The following UTP15 variants were observed in gnomAD, a reference collection of about 807,000 sequenced individuals.
The protein encoded by UTP15 is UTP15 small subunit processome component, also known as U3 small nucleolar RNA-associated protein 15 homolog.
Under a neutral mutation model 59.1 loss-of-function variants are expected in UTP15, and 5 were observed. That is an observed-to-expected ratio of 0.08 (90% confidence interval 0.04 to 0.18). The LOEUF (loss-of-function observed/expected upper bound fraction) is 0.18. Among genes scored for constraint, UTP15 ranks in the 10% least tolerant of loss-of-function variants. The pLI is 1.00. For missense variants in UTP15, 494 were observed against 616.7 expected, an observed-to-expected ratio of 0.80 and a Z score of 2.11; for synonymous variants, 211 against 212.2, an observed-to-expected ratio of 0.99 and a Z score of 0.05.
intron 7 of UTP15, among the ~76,000 whole-genome samples, chr5:73,576,656 A>G (rs1362979111): frequency 3.3e-5 from 5 of 151,654 alleles, no homozygotes; most frequent in Non-Finnish European, 4.4e-5. Flanking sequence ...TATTTTTAGT[A>G]GAGATGGAGT....
At chr5:73,578,381 A>G (rs1443620433) in intron 9 of UTP15, 2 of 287,040 alleles carry the variant, frequency 7.0e-6, no homozygotes, top group African/African-American at 2.3e-5. Context: ...ACTGGTATCC[A>G]GAGTTGTTGA....
Position 73,565,932 on chromosome 5 carries a change from A to G in UTP15, c.-84+20A>G. 1 of 455,568 alleles carries G rather than the reference A, an allele frequency of 2.2e-6. No individual in the cohort carries two copies. Among genetic ancestry groups the G allele is most frequent in the Non-Finnish European group, 4.4e-6 (1 of 226,626 alleles). The allele number at this position is 455,568 out of a possible 1,614,324, so 28.2% of individuals were successfully genotyped here. On this transcript the variant is annotated intron_variant, in intron 1 of 12. Transcript: ENST00000296792. ...GTGGAGGTAGGTGAAGGCGGCTCCC[A>G]TTGAGGGAAGCCCACACTCACACCC...
intron 7 of UTP15, among the ~76,000 whole-genome samples, chr5:73,576,232 G>A (rs1748086267): frequency 6.6e-6 from 1 of 151,552 alleles, no homozygotes; most frequent in African/African-American, 2.4e-5. Context: ...AGCCTCCTGA[G>A]TAGCTGGGAT....
At chr5:73,570,905 A>T (rs1033247366) in intron 6 of UTP15, among the ~76,000 whole-genome samples, 194 bp downstream of exon 6, 1 of 152,256 alleles carries the variant, frequency 6.6e-6, no homozygotes, top group South Asian at 2.1e-4. Context: ...CTGTGCTGTT[A>T]CATATGAACT....
rs750391080 is a variant in UTP15, at chr5:73,579,178, C to T, written c.1280+28C>T. 120 of 1,612,098 alleles carry T rather than the reference C, an allele frequency of 7.4e-5. No individual in the cohort carries two copies. In the Admixed American group the frequency reaches 1.5e-3, roughly 20 times the overall value. ...ATGTTTTTTGTCTGTGAAACACTTA[C>T]ATTTTGCATCTGAAATCCTTTATCA... On this transcript the variant is annotated intron_variant, in intron 11 of 12. Transcript: ENST00000296792.
chr5:73,577,576 C>T (rs1222419572), intron 8 of UTP15, among the ~76,000 whole-genome samples: 3 of 152,154 alleles, frequency 2.0e-5, no homozygotes, highest in South Asian at 2.1e-4. Flanking sequence ...AAAAGTCTTG[C>T]TACTGTGTAA....
intron 1 of UTP15, 58 bp from the exon 2 acceptor site, chr5:73,567,204 T>G: frequency 2.2e-6 from 1 of 456,386 alleles, no homozygotes; most frequent in Non-Finnish European, 3.8e-6. Flanking sequence ...GAAAGCAGAG[T>G]GAAAATCAAC....
intron 6 of UTP15, among the ~76,000 whole-genome samples, chr5:73,571,856 T>G (rs1385955987): frequency 6.6e-6 from 1 of 152,178 alleles, no homozygotes; most frequent in Non-Finnish European, 1.5e-5. Flanking sequence ...GGAAAAAATA[T>G]CATGTTGAAC....
chr5:73,569,466 C>A, intron 4 of UTP15, 31 bp from the exon 5 acceptor site: 1 of 1,427,858 alleles, frequency 7.0e-7, no homozygotes, highest in South Asian at 1.6e-5. Flanking sequence ...AATTTTCTTG[C>A]TTTTTAATAT....
In UTP15 at chr5:73,568,549, C is replaced by A; in HGVS notation, c.313C>A (p.Gln105Lys). 1 of 1,613,970 alleles carries A rather than the reference C, an allele frequency of 6.2e-7. No homozygotes were observed. Among genetic ancestry groups the A allele is most frequent in the South Asian group, 1.1e-5 (1 of 91,066 alleles). ...LVAGSEDGGV[Q>K]LFDISGRAPL... ...GGCTGGCAGTGAAGATGGTGGAGTT[C>A]AACTTTTTGATATAAGTGGGAGGGC... Residue 105 changes from glutamine (Q) to lysine (K), a missense_variant, in exon 4 of 13, where the codon CAA becomes AAA. Coordinates refer to ENST00000296792, the MANE Select transcript of UTP15 (RefSeq NM_032175.4).
At chr5:73,578,928 A>G (rs1307582563) in intron 10 of UTP15, 76 bp downstream of exon 10, 17 of 1,599,042 alleles carry the variant, frequency 1.1e-5, no homozygotes, top group Non-Finnish European at 1.3e-5. Flanking sequence ...GTGAAGATAA[A>G]TATTATTCAA....
intron 8 of UTP15, among the ~76,000 whole-genome samples, chr5:73,577,334 T>A (rs1284876720): frequency 1.3e-5 from 2 of 152,168 alleles, no homozygotes; most frequent in Admixed American, 6.5e-5. Flanking sequence ...TCAAGAGTAT[T>A]ATAGTACACT....
At chr5:73,571,782 TA>T (rs1275941322) in intron 6 of UTP15, among the ~76,000 whole-genome samples, 1 of 151,948 alleles carries the variant, frequency 6.6e-6, no homozygotes, top group African/African-American at 2.4e-5. Context: ...CATCTTTAAT[TA>T]AAAAAAGAAA....
rs1747844961 is a variant in UTP15, at chr5:73,568,455, A to G, written c.219A>G (p.Ile73Met). The G allele has an allele frequency of 6.2e-7, 1 of 1,613,390 alleles. No individual in the cohort carries two copies. The highest frequency in any genetic ancestry group is 8.5e-7 in the Non-Finnish European group (1 of 1,179,704). The change falls in exon 4 of 13, where the codon ATA (isoleucine) becomes ATG (methionine). Residue 73 changes from isoleucine (I) to methionine (M), a missense_variant. Ile to Met is a conservative substitution (Grantham distance 10, BLOSUM62 1). Coordinates refer to ENST00000296792, the MANE Select transcript of UTP15 (RefSeq NM_032175.4). Reference protein sequence around the residue: ...HIYGRYSQEPIKTFSRFKDTA... With the variant: ...HIYGRYSQEPMKTFSRFKDTA... ...ATGGCCGATACTCCCAAGAACCTAT[A>G]AAAACCTTTTCTCGATTTAAAGACA...
intron 2 of UTP15, chr5:73,567,647 G>A (rs903834149): frequency 2.7e-6 from 1 of 367,304 alleles, no homozygotes. Context: ...CAAATGCCTA[G>A]CACAGAACAG....
At chr5:73,572,414 A>G in intron 6 of UTP15, 75 bp from the exon 7 acceptor site, 1 of 1,572,076 alleles carries the variant, frequency 6.4e-7, no homozygotes, top group Non-Finnish European at 8.6e-7. Context: ...GTGTCCAGAG[A>G]AGAATGCTTT....
chr5:73,574,491 A>ATTT (rs34417829), intron 7 of UTP15, among the ~76,000 whole-genome samples: 119 of 146,782 alleles, frequency 8.1e-4, no homozygotes, highest in African/African-American at 2.8e-3. Context: ...TTTATTATTA[A>ATTT]TTTTTTTTTT....
chr5:73,579,666 C>T (rs922912923), intron 12 of UTP15, among the ~76,000 whole-genome samples: 1 of 151,996 alleles, frequency 6.6e-6, no homozygotes, highest in African/African-American at 2.4e-5. Flanking sequence ...TCAGGAACTC[C>T]ACCCTATACT....
rs565526918 is a variant in UTP15 at position 73,567,375 on chromosome 5, A to G, written c.31A>G (p.Thr11Ala). 8.7e-6 allele frequency: 14 copies of G among 1,610,120 alleles called. No individual in the cohort carries two copies. Among genetic ancestry groups the G allele is most frequent in the African/African-American group, 8.0e-5 (6 of 74,836 alleles). Residue 11 changes from threonine to alanine, a missense_variant, in exon 2 of 13, where the codon ACA becomes GCA. By Grantham distance (58) the Thr-to-Ala change is moderately conservative (BLOSUM62 0). Transcript: ENST00000296792. MAGYKPVAIQ[T>A]YPILGEKITQ... Reference sequence around the variant, plus strand: ...TGGTTATAAGCCTGTAGCTATTCAGACATATCCTATACTTGGTGAAAAAAT... The same window carrying G: ...TGGTTATAAGCCTGTAGCTATTCAGGCATATCCTATACTTGGTGAAAAAAT...
Sources: gnomAD v4.1 joint callset for allele counts (sites outside exome capture counted in the v4.1 genomes callset) on GRCh38, gnomAD v4.1.1 for gene constraint, MANE v1.5 for transcripts, NCBI Gene and HGNC (gene_info 2026-07-23, HGNC 2026-07-21) for gene names.